Variants in MTHFD1 observed in about 807,000 individuals in gnomAD.
MTHFD1 encodes the protein methylenetetrahydrofolate dehydrogenase, cyclohydrolase and formyltetrahydrofolate synthetase 1.
MTHFD1 carries 44 observed loss-of-function variants against 110.3 expected under a neutral mutation model. The ratio of observed to expected loss-of-function variants is 0.40; its 90% confidence interval spans 0.31 to 0.51. MTHFD1 has a LOEUF of 0.51. Ranked by LOEUF, MTHFD1 falls within the 20% of genes least tolerant of loss-of-function variation. MTHFD1 has a pLI of 0.60. For missense variants in MTHFD1, 909 were observed against 1,173.1 expected (o/e 0.77, Z 3.29); for synonymous variants, 402 against 428.8 (o/e 0.94, Z 0.77).
rs1048331101 is a variant in MTHFD1, at chr14:64,417,316, T to C, written c.479-572T>C. On this transcript the variant is annotated intron_variant, in intron 6 of 27. Coordinates refer to ENST00000652337, the MANE Select transcript of MTHFD1 (RefSeq NM_005956.4). The surrounding 1 kb of genome is among the most constrained non-coding windows in gnomAD (Gnocchi z 4.4). ...GGTATATTGCCAGAAAAATGGATGC[T>C]GTGATAGCAAAAAGAAAGCTTTGCT... 1.3e-5 allele frequency among the ~76,000 whole-genome samples: 2 copies of C among 152,240 alleles called. No individual in the cohort carries two copies. The highest frequency in any genetic ancestry group is 4.8e-5 in the African/African-American group (2 of 41,460).
At chr14:64,422,592 G>C (rs770170072) in intron 8 of MTHFD1, among the ~76,000 whole-genome samples, 1 of 152,130 alleles carries the variant, frequency 6.6e-6, no homozygotes, top group Non-Finnish European at 1.5e-5. Context: ...GGGTTAAAAA[G>C]TGGGAACAGA....
intron 24 of MTHFD1, 80 bp from the exon 25 acceptor site, chr14:64,453,674 C>T (rs2078416271): frequency 1.5e-5 from 12 of 823,202 alleles, no homozygotes; most frequent in Non-Finnish European, 2.5e-5. Context: ...GGGACTCTGA[C>T]CTAGAATGTG....
chr14:64,389,326 A>G (rs1367816341), intron 1 of MTHFD1, among the ~76,000 whole-genome samples: 1 of 152,148 alleles, frequency 6.6e-6, no homozygotes, highest in African/African-American at 2.4e-5. Context: ...TATGTAAGTA[A>G]CTGTTGCCAG....
chr14:64,430,007 A>G (rs1198806068), intron 12 of MTHFD1, among the ~76,000 whole-genome samples, 177 bp from the exon 13 acceptor site: 1 of 152,234 alleles, frequency 6.6e-6, no homozygotes, highest in Non-Finnish European at 1.5e-5. Context: ...ATTTAAACTC[A>G]GATTTCAATT....
At chr14:64,391,653 A>C (rs568836600) in intron 1 of MTHFD1, among the ~76,000 whole-genome samples, 1 of 152,194 alleles carries the variant, frequency 6.6e-6, no homozygotes, top group Non-Finnish European at 1.5e-5. Context: ...GAAACTGGGT[A>C]CTTACATGAT....
chr14:64,434,949 CTTTTTTTTTTTTTTTT>C (rs374039248), intron 15 of MTHFD1, among the ~76,000 whole-genome samples: 7 of 80,824 alleles, frequency 8.7e-5, no homozygotes, highest in South Asian at 4.9e-4. Flanking sequence ...TCCCTCTTTT[CTTTTTTTTTTTTTTTT>C]TTTTTTTTTT....
Position 64,454,788 on chromosome 14 carries a change from A to T in MTHFD1, c.2631A>T (p.Gln877His). 6.2e-7 allele frequency: 1 copy of T among 1,614,150 alleles called. No individual in the cohort carries two copies. Among genetic ancestry groups the T allele is most frequent in the Non-Finnish European group, 8.5e-7 (1 of 1,179,978 alleles). ...THLSLSHNPE[Q>H]KGVPTGFILP... ...TGTCTTTGTCTCACAACCCAGAGCA[A>T]AAAGGTGTCCCTACAGGCTTCATTC... Residue 877 changes from glutamine to histidine, a missense_variant, in exon 26 of 28, where the codon CAA (glutamine) becomes CAT (histidine). This residue lies in a region of MTHFD1 where 482 missense variants were observed against 646.0 expected (regional missense o/e 0.75). Transcript: ENST00000652337.
intron 27 of MTHFD1, among the ~76,000 whole-genome samples, chr14:64,458,918 T>C (rs886760517): frequency 4.6e-5 from 7 of 152,186 alleles, no homozygotes; most frequent in South Asian, 2.1e-4. Context: ...TGTGCACTTA[T>C]ATCCCTAGAC....
chr14:64,430,121 T>C, intron 12 of MTHFD1, 63 bp from the exon 13 acceptor site: 1 of 1,376,946 alleles, frequency 7.3e-7, no homozygotes, highest in Non-Finnish European at 1.0e-6. Context: ...TTGCATTTAT[T>C]TGATTTCTAA....
At position 64,424,879 on chromosome 14, in the gene MTHFD1, T is replaced by A; in HGVS notation, c.803T>A (p.Ile268Asn). Residue 268 changes from isoleucine to asparagine, a missense_variant, in exon 9 of 28, where the codon ATC becomes AAC. Around this residue, in one of 3 missense-constraint regions of MTHFD1, gnomAD observed 424 missense variants for 510.4 expected, o/e 0.83. Transcript: ENST00000652337. Reference protein sequence around the residue: ...YDEAKERASFITPVPGGVGPM... With the variant: ...YDEAKERASFNTPVPGGVGPM... ...GAGGCCAAAGAGAGGGCGAGCTTCA[T>A]CACTCCTGTTCCTGGCGGCGTAGGG... 1 of 1,614,252 alleles carries A rather than the reference T, an allele frequency of 6.2e-7. No individual in the cohort carries two copies. Among genetic ancestry groups the A allele is most frequent in the Non-Finnish European group, 8.5e-7 (1 of 1,180,050 alleles).
chr14:64,445,113 A>G (rs1249084800), intron 22 of MTHFD1: 1 of 355,046 alleles, frequency 2.8e-6, no homozygotes, highest in Non-Finnish European at 5.5e-6. Context: ...CCTTTAATGC[A>G]CAGGACAGCC....
intron 11 of MTHFD1, among the ~76,000 whole-genome samples, chr14:64,427,082 G>A (rs939488751): frequency 6.6e-6 from 1 of 151,496 alleles, no homozygotes; most frequent in Admixed American, 6.6e-5. Context: ...AAGAGATGGG[G>A]GTTTGCTCTG....
intron 15 of MTHFD1, among the ~76,000 whole-genome samples, chr14:64,433,559 A>C (rs553315417): frequency 1.3e-5 from 2 of 152,238 alleles, no homozygotes; most frequent in African/African-American, 4.8e-5. Context: ...CTGAGACTAC[A>C]GCCAGGTACC....
At chr14:64,392,652 C>T (rs895626956) in intron 1 of MTHFD1, among the ~76,000 whole-genome samples, 3 of 152,106 alleles carry the variant, frequency 2.0e-5, no homozygotes, top group Admixed American at 6.6e-5. Flanking sequence ...GTGCTGCCTC[C>T]TCTGTGCATC....
At chr14:64,438,265 G>A (rs1349276707) in intron 16 of MTHFD1, among the ~76,000 whole-genome samples, 2 of 152,074 alleles carry the variant, frequency 1.3e-5, no homozygotes, top group Non-Finnish European at 2.9e-5. Context: ...GGTCTTTTTG[G>A]TGACCATTCC....
At chr14:64,443,343 T>G (rs2078263158) in intron 21 of MTHFD1, among the ~76,000 whole-genome samples, 2 of 152,222 alleles carry the variant, frequency 1.3e-5, no homozygotes, top group African/African-American at 4.8e-5. Context: ...TGAAAATGCA[T>G]TATCTTTTCC....
chr14:64,454,117 G>A (rs2078424334), intron 25 of MTHFD1, among the ~76,000 whole-genome samples: 1 of 152,098 alleles, frequency 6.6e-6, no homozygotes, highest in Non-Finnish European at 1.5e-5. Flanking sequence ...AACGTCTCCA[G>A]TTTTTGTTAT....
chr14:64,453,101 G>C (rs555924590), intron 24 of MTHFD1, among the ~76,000 whole-genome samples: 1 of 151,846 alleles, frequency 6.6e-6, no homozygotes, highest in South Asian at 2.1e-4. Context: ...TACTTAGCGA[G>C]AGATTTTAAA....
chr14:64,441,562 T>C, intron 19 of MTHFD1, 109 bp downstream of exon 19: 1 of 967,090 alleles, frequency 1.0e-6, no homozygotes, highest in South Asian at 1.3e-5. Flanking sequence ...ATCCCAGCAC[T>C]TTGGGAGGCC....
Sources: allele counts gnomAD v4.1 joint callset (sites outside exome capture counted in the v4.1 genomes callset), GRCh38; gene constraint gnomAD v4.1.1; regional missense constraint gnomAD v4.1.1; non-coding constraint Gnocchi (gnomAD v3.1); transcripts MANE v1.5; gene names NCBI Gene and HGNC (gene_info 2026-07-23, HGNC 2026-07-21).